Variants in TDRD12 observed in about 807,000 individuals in gnomAD.
TDRD12 encodes tudor domain containing 12.
A neutral mutation model predicts 133.5 loss-of-function variants in TDRD12; 158 were observed. The ratio of observed to expected loss-of-function variants is 1.18; its 90% confidence interval spans 1.04 to 1.35. TDRD12 has a LOEUF of 1.35. Among genes scored for constraint, TDRD12 ranks in the 40% most tolerant of loss-of-function variants. The probability of loss-of-function intolerance (pLI) is 0.00; values close to 1 mark genes in which losing one functional copy is unlikely to be tolerated. For missense variants in TDRD12, 1,443 were observed against 1,321.3 expected (o/e 1.09, Z -1.43); for synonymous variants, 460 against 477.9 (o/e 0.96, Z 0.49).
chr19:32,743,888 C>T (rs912714151), intron 4 of TDRD12, among the ~76,000 whole-genome samples: 4 of 151,568 alleles, frequency 2.6e-5, no homozygotes, highest in African/African-American at 4.9e-5. Flanking sequence ...ATTAGCCTGG[C>T]GTGGTGGTAG....
At chr19:32,756,319 C>T in intron 7 of TDRD12, 138 bp downstream of exon 7, 3 of 729,420 alleles carry the variant, frequency 4.1e-6, no homozygotes, top group Admixed American at 4.3e-5. Flanking sequence ...CCTGATGAGG[C>T]TGTGACACAT....
At chr19:32,772,768 G>A (rs920346685) in exon 9 of TDRD12, 3 of 1,510,824 alleles carry the variant, frequency 2.0e-6, no homozygotes, top group African/African-American at 2.8e-5. Flanking sequence ...GCTGTAAAAT[G>A]TAATATGGAT....
At chr19:32,729,195 G>A (rs7254089) in intron 1 of TDRD12, among the ~76,000 whole-genome samples, 82,172 of 139,598 alleles carry the variant, frequency 0.59, 24,628 homozygotes, top group East Asian at 0.82. Context: ...TCTGGTGACT[G>A]CTTTTTCTTT....
At chr19:32,828,741 C>T (rs1294393237) in exon 10 of TDRD12, 1 of 152,216 alleles carries the variant, frequency 6.6e-6, no homozygotes, top group African/African-American at 2.4e-5. Context: ...CACTCTGGCT[C>T]AGTTTTCTCA....
intron 11 of TDRD12, among the ~76,000 whole-genome samples, chr19:32,788,872 C>A (rs1038395889): frequency 1.4e-4 from 21 of 152,282 alleles, no homozygotes; most frequent in Admixed American, 1.2e-3. Flanking sequence ...CTGTCTCTGG[C>A]CCCTGGGGCT....
chr19:32,820,632 CAA>C (rs1967347566), intron 27 of TDRD12, among the ~76,000 whole-genome samples: 3 of 152,220 alleles, frequency 2.0e-5, no homozygotes, highest in African/African-American at 7.2e-5. Context: ...CTTTTTTATG[CAA>C]AGAATATTTC....
intron 24 of TDRD12, among the ~76,000 whole-genome samples, chr19:32,813,053 G>A (rs963706471): frequency 9.2e-5 from 14 of 152,158 alleles, no homozygotes; most frequent in African/African-American, 3.4e-4. Context: ...GTGCATGCCT[G>A]TGGTCTCAGC....
downstream of TDRD12, among the ~76,000 whole-genome samples, chr19:32,824,739 AC>A (rs1438768228): frequency 4.1e-5 from 5 of 122,238 alleles, no homozygotes; most frequent in East Asian, 2.3e-4. Context: ...GTCCTGCCCC[AC>A]CCCCCGCCGC....
chr19:32,727,592 C>A (rs914519417), intron 1 of TDRD12, among the ~76,000 whole-genome samples: 10 of 152,258 alleles, frequency 6.6e-5, no homozygotes, highest in African/African-American at 2.4e-4. Context: ...TAGTTTTAGG[C>A]CTTCCATTTA....
chr19:32,756,060 C>T (rs745807381), exon 7 of TDRD12: 24 of 1,481,354 alleles, frequency 1.6e-5, no homozygotes, highest in Admixed American at 6.0e-5. Flanking sequence ...AGAATAAAAA[C>T]CTTGATTATT....
At chr19:32,788,342 C>T (rs927009275) in intron 11 of TDRD12, among the ~76,000 whole-genome samples, 2 of 152,002 alleles carry the variant, frequency 1.3e-5, no homozygotes, top group Admixed American at 6.6e-5. Context: ...AAACTCCTGA[C>T]CTCAAGTGAT....
intron 8 of TDRD12, among the ~76,000 whole-genome samples, chr19:32,759,797 T>A (rs1970100833): frequency 6.6e-6 from 1 of 152,206 alleles, no homozygotes; most frequent in Non-Finnish European, 1.5e-5. Flanking sequence ...TATAATGTGT[T>A]TAAGGACATA....
chr19:32,775,943 G>T (rs1158238228), intron 10 of TDRD12, among the ~76,000 whole-genome samples: 1 of 152,056 alleles, frequency 6.6e-6, no homozygotes, highest in Non-Finnish European at 1.5e-5. Flanking sequence ...GGTGTCATTT[G>T]TCTTAGCAGG....
chr19:32,791,019 A>G, exon 13 of TDRD12: 1 of 1,536,276 alleles, frequency 6.5e-7, no homozygotes, highest in Non-Finnish European at 8.7e-7. Context: ...AACAAGATCA[A>G]GCCCTGCTTA....
At chr19:32,776,429 G>A (rs1355877631) in intron 10 of TDRD12, among the ~76,000 whole-genome samples, 1 of 152,122 alleles carries the variant, frequency 6.6e-6, no homozygotes, top group East Asian at 1.9e-4. Flanking sequence ...GGCCCGGTGA[G>A]GAAAGAAAAG....
At chr19:32,800,646 A>G in exon 18 of TDRD12, 2 of 1,534,726 alleles carry the variant, frequency 1.3e-6, no homozygotes, top group South Asian at 1.2e-5. Flanking sequence ...ATTACCAGGT[A>G]GTACATCTTT....
At position 32,771,481 on chromosome 19, in the gene TDRD12, A is replaced by G. The variant is rs113813445; in HGVS notation, c.866-1272A>G. Among the ~76,000 whole-genome samples the G allele has an allele frequency of 1.8e-4, 27 of 151,930 alleles. 1 individual carries two copies. The highest frequency in any genetic ancestry group is 6.5e-4 in the African/African-American group (27 of 41,438). ...CCTGTTTGGTTTCATAAATACTATT[A>G]CTTCTTTTATTTCTTGGATATTTTA... On this transcript the variant is annotated intron_variant, in intron 8 of 27. Coordinates refer to ENST00000444215, the Ensembl canonical transcript of TDRD12.
intron 25 of TDRD12, among the ~76,000 whole-genome samples, chr19:32,814,945 G>C (rs1208465203): frequency 6.6e-6 from 1 of 152,228 alleles, no homozygotes; most frequent in Non-Finnish European, 1.5e-5. Flanking sequence ...GGCTGTTGCA[G>C]ATTTTTATGT....
At chr19:32,754,457 C>T (rs576196113) in intron 6 of TDRD12, among the ~76,000 whole-genome samples, 1 of 152,042 alleles carries the variant, frequency 6.6e-6, no homozygotes. Flanking sequence ...AAGACCCTGT[C>T]TCAAAAACAA....
Sources: gnomAD v4.1 joint callset for allele counts (sites outside exome capture counted in the v4.1 genomes callset) on GRCh38, gnomAD v4.1.1 for gene constraint, MANE v1.5 for transcripts, NCBI Gene and HGNC (gene_info 2026-07-23, HGNC 2026-07-21) for gene names.